The following TNR variants were observed in gnomAD, a reference collection of about 807,000 sequenced individuals.
TNR encodes the protein tenascin-R.
Under a neutral mutation model 150.4 loss-of-function variants are expected in TNR, and 45 were observed. The ratio of observed to expected loss-of-function variants is 0.30; its 90% CI spans 0.24 to 0.38. TNR has a LOEUF of 0.38. Among genes scored for constraint, TNR ranks in the 10% least tolerant of loss-of-function variants. TNR has a pLI of 1.00. For synonymous variants in TNR, 687 were observed against 678.4 expected, an observed-to-expected ratio of 1.01 and a Z score of -0.20; for missense variants, 1,544 against 1,759.1, an observed-to-expected ratio of 0.88 and a Z score of 2.19.
At chr1:175,498,892 A>G (rs958996609) in intron 2 of TNR, among the ~76,000 whole-genome samples, 5 of 152,206 alleles carry the variant, frequency 3.3e-5, no homozygotes, top group African/African-American at 1.2e-4. Flanking sequence ...ACGTGGTTGT[A>G]GTTGCATTTG....
At position 175,343,219 on chromosome 1, in the gene TNR, C is replaced by T. The variant is rs961428717; in HGVS notation, c.3383-5540G>A. Among the ~76,000 whole-genome samples, 6 of 152,166 alleles carry T rather than the reference C, an allele frequency of 3.9e-5. No individual in the cohort carries two copies. The South Asian group carries it at 8.3e-4, about 21-fold the overall frequency. On this transcript the variant is annotated intron_variant, in intron 18 of 22. Transcript: ENST00000367674. ...CTACCATGGCCTACAAAGCCCTGTACGCTCCGTCTCTGTCCTGCACTCCTC... is the reference window on the plus strand; with the variant it reads ...CTACCATGGCCTACAAAGCCCTGTATGCTCCGTCTCTGTCCTGCACTCCTC...
At chr1:175,654,943 C>T (rs914725945) in intron 1 of TNR, among the ~76,000 whole-genome samples, 5 of 152,074 alleles carry the variant, frequency 3.3e-5, no homozygotes, top group African/African-American at 4.8e-5. Context: ...AGGATGGTCT[C>T]GATCTCCTGA....
chr1:175,611,482 G>A (rs1017699553), intron 1 of TNR, among the ~76,000 whole-genome samples: 13 of 151,980 alleles, frequency 8.6e-5, no homozygotes, highest in African/African-American at 2.2e-4. Context: ...ACAGGCACTC[G>A]CCACCATGCC....
At chr1:175,361,334 A>G (rs1651577397) in intron 14 of TNR, among the ~76,000 whole-genome samples, 1 of 152,198 alleles carries the variant, frequency 6.6e-6, no homozygotes, top group Admixed American at 6.5e-5. Flanking sequence ...AATTTCTTTA[A>G]TATGAATTTC....
Position 175,517,229 on chromosome 1 carries a change from C to A in TNR, c.-64+11040G>T, listed in dbSNP as rs532418113. Among the ~76,000 whole-genome samples the A allele has an allele frequency of 1.2e-4, 18 of 152,256 alleles. 1 individual carries two copies. Among genetic ancestry groups the A allele is most frequent in the African/African-American group, 4.3e-4 (18 of 41,552 alleles). On this transcript the variant is annotated intron_variant, in intron 2 of 22. Transcript: ENST00000367674. ...CACATATGCTTCAGCTCCTGTACTG[C>A]TTTATCTTTATATTCCAGAAAAAAA...
chr1:175,649,389 C>A (rs2101887186), intron 1 of TNR, among the ~76,000 whole-genome samples: 1 of 152,320 alleles, frequency 6.6e-6, no homozygotes, highest in South Asian at 2.1e-4. Context: ...GTGCTTATTT[C>A]CCTCTCAGTA....
chr1:175,520,133 A>C (rs753272930), intron 2 of TNR, among the ~76,000 whole-genome samples: 3 of 152,242 alleles, frequency 2.0e-5, no homozygotes, highest in African/African-American at 4.8e-5. Flanking sequence ...TATAGAAAGC[A>C]CTTGATAAAT....
rs143281004 is a variant in TNR, at chr1:175,362,385, T to C, written c.2854+278A>G. ...TTCAGATATCTGTTTTAGAATTCACTTCCATTATATGTCTGAAAGGGCACT... is the reference window on the plus strand; with the variant it reads ...TTCAGATATCTGTTTTAGAATTCACCTCCATTATATGTCTGAAAGGGCACT... On this transcript the variant is annotated intron_variant, in intron 14 of 22. Transcript: ENST00000367674. 2.9e-3 allele frequency among the ~76,000 whole-genome samples: 438 copies of C among 152,336 alleles called. 7 individuals are homozygous for C. The highest frequency in any genetic ancestry group is 9.6e-3 in the African/African-American group (399 of 41,580).
intron 2 of TNR, among the ~76,000 whole-genome samples, chr1:175,519,529 C>T (rs1298340218): frequency 6.6e-6 from 1 of 152,196 alleles, no homozygotes; most frequent in African/African-American, 2.4e-5. Flanking sequence ...TCAATATACT[C>T]TTTACCATTT....
intron 2 of TNR, among the ~76,000 whole-genome samples, chr1:175,454,445 G>A (rs1347282683): frequency 1.3e-5 from 2 of 152,166 alleles, no homozygotes; most frequent in Non-Finnish European, 2.9e-5. Context: ...AGCCCTCGGA[G>A]TATTGGTTCC....
chr1:175,491,491 A>G (rs955316429), intron 2 of TNR, among the ~76,000 whole-genome samples: 2 of 152,186 alleles, frequency 1.3e-5, no homozygotes, highest in Admixed American at 6.5e-5. Flanking sequence ...GAAAGGCTGA[A>G]CTATGATGAT....
chr1:175,709,343 G>T (rs12039679), intron 1 of TNR, among the ~76,000 whole-genome samples: 171 of 139,408 alleles, frequency 1.2e-3, no homozygotes, highest in African/African-American at 4.7e-3. Flanking sequence ...ACACACACAC[G>T]CACTTCCAAC....
At chr1:175,359,484 T>C in intron 15 of TNR, 128 bp downstream of exon 15, 8 of 1,469,074 alleles carry the variant, frequency 5.4e-6, no homozygotes, top group Non-Finnish European at 7.5e-6. Context: ...ATAGTATACC[T>C]GAAGTAGGAA....
chr1:175,638,148 C>T (rs1389848332), intron 1 of TNR, among the ~76,000 whole-genome samples: 1 of 152,162 alleles, frequency 6.6e-6, no homozygotes, highest in Non-Finnish European at 1.5e-5. Context: ...TCCCTAATAC[C>T]TGATGCTGAT....
intron 1 of TNR, among the ~76,000 whole-genome samples, chr1:175,545,047 C>T (rs992308665): frequency 6.6e-5 from 10 of 152,190 alleles, no homozygotes; most frequent in African/African-American, 2.4e-4. Flanking sequence ...ATATCTAACC[C>T]TCAGCTGATG....
intron 2 of TNR, among the ~76,000 whole-genome samples, chr1:175,511,262 T>C (rs977406188): frequency 2.6e-5 from 4 of 152,334 alleles, no homozygotes; most frequent in South Asian, 2.1e-4. Flanking sequence ...AAATAAAGCA[T>C]GTCAAATATT....
At chr1:175,640,048 C>A (rs1664605775) in intron 1 of TNR, among the ~76,000 whole-genome samples, 1 of 152,172 alleles carries the variant, frequency 6.6e-6, no homozygotes, top group African/African-American at 2.4e-5. Context: ...GTAGCATTAC[C>A]CCAAGAAATA....
rs181138326 is a variant in TNR at position 175,515,092 on chromosome 1, T to C, written c.-64+13177A>G. On this transcript the variant is annotated intron_variant, in intron 2 of 22. Coordinates refer to ENST00000367674, the MANE Select transcript of TNR (RefSeq NM_003285.3). Reference sequence around the variant, plus strand: ...TGAAAATAAACTTTTAAAATGCTTCTGCCCAGAGCTGGAGAATGGAAGTGT... The same window carrying C: ...TGAAAATAAACTTTTAAAATGCTTCCGCCCAGAGCTGGAGAATGGAAGTGT... 4.1e-3 allele frequency among the ~76,000 whole-genome samples: 623 copies of C among 152,368 alleles called. 1 individual carries two copies. The highest frequency in any genetic ancestry group is 7.5e-3 in the Non-Finnish European group (509 of 68,038).
In TNR at chr1:175,702,238, C is replaced by A. The variant is rs1381637278; in HGVS notation, c.-165+40988G>T. On this transcript the variant is annotated intron_variant, in intron 1 of 22. Coordinates refer to ENST00000367674, the MANE Select transcript of TNR (RefSeq NM_003285.3). The stretch of plus-strand genomic sequence containing the variant: ...TTAGGAGCCTGCACTTGGTGAGGAG[C>A]AGCAAGCAAATGTGAGTAAATCACA... Among the ~76,000 whole-genome samples, 4 of 152,176 alleles carry A rather than the reference C, an allele frequency of 2.6e-5. No homozygotes were observed. The South Asian group carries it at 6.2e-4, about 24-fold the overall frequency.
Sources: gnomAD v4.1 joint callset for allele counts (sites outside exome capture counted in the v4.1 genomes callset) on GRCh38, gnomAD v4.1.1 for gene constraint, MANE v1.5 for transcripts, NCBI Gene and HGNC (gene_info 2026-07-23, HGNC 2026-07-21) for gene names.